CECR2: variants seen among roughly 807,000 people sequenced by gnomAD.
CECR2 encodes the protein chromatin remodeling regulator CECR2.
Under a neutral mutation model 154.5 loss-of-function variants are expected in CECR2, and 30 were observed. The observed-to-expected ratio is 0.19, with a 90% CI of 0.15 to 0.26. CECR2 has a LOEUF of 0.26. Ranked by LOEUF, CECR2 falls within the 10% of genes least tolerant of loss-of-function variation. CECR2 has a pLI of 1.00. For synonymous variants in CECR2, 725 were observed against 683.7 expected, an observed-to-expected ratio of 1.06 and a Z score of -0.94; for missense variants, 1,743 against 1,829.3, an observed-to-expected ratio of 0.95 and a Z score of 0.86.
chr22:17,387,557 C>T (rs1335446532), intron 1 of CECR2, among the ~76,000 whole-genome samples: 1 of 152,222 alleles, frequency 6.6e-6, no homozygotes, highest in Admixed American at 6.5e-5. Flanking sequence ...GGAGCCACCA[C>T]ACCTGAGGGA....
At chr22:17,459,955 T>C (rs1007811361) in intron 1 of CECR2, among the ~76,000 whole-genome samples, 1 of 152,234 alleles carries the variant, frequency 6.6e-6, no homozygotes, top group African/African-American at 2.4e-5. Context: ...CAGCTTAGTA[T>C]GTGCTGTGCG....
intron 1 of CECR2, among the ~76,000 whole-genome samples, chr22:17,396,609 T>C (rs1178462366): frequency 6.6e-6 from 1 of 152,130 alleles, no homozygotes; most frequent in Non-Finnish European, 1.5e-5. Context: ...ACTGAACATA[T>C]AAAATGGGTA....
intron 1 of CECR2, among the ~76,000 whole-genome samples, chr22:17,374,204 G>A (rs1009690366): frequency 6.6e-6 from 1 of 152,146 alleles, no homozygotes; most frequent in Non-Finnish European, 1.5e-5. Context: ...CTGCCTTTGA[G>A]TACTTAATCC....
At chr22:17,551,389 C>A (rs1384113828) in intron 17 of CECR2, among the ~76,000 whole-genome samples, 1 of 151,928 alleles carries the variant, frequency 6.6e-6, no homozygotes, top group Non-Finnish European at 1.5e-5. Context: ...ATTTGGCTGC[C>A]GTGTCTGTTT....
In CECR2 at chr22:17,406,625, T is replaced by C. The variant is rs532495047; in HGVS notation, c.126+36716T>C. On this transcript the variant is annotated intron_variant, in intron 1 of 18. Coordinates refer to ENST00000262608, the MANE Select transcript of CECR2 (RefSeq NM_001290047.2). Reference sequence around the variant, plus strand: ...GTCAATTCAGAGACTTCTTTATCTTTTAATACAATAGGGGTGAAATATGAA... The same window carrying C: ...GTCAATTCAGAGACTTCTTTATCTTCTAATACAATAGGGGTGAAATATGAA... Among the ~76,000 whole-genome samples the C allele has an allele frequency of 8.4e-4, 128 of 152,322 alleles. 1 individual carries two copies. Among genetic ancestry groups the C allele is most frequent in the African/African-American group, 3.1e-3 (127 of 41,566 alleles).
chr22:17,409,124 GTTTT>G (rs201779763), intron 1 of CECR2, among the ~76,000 whole-genome samples: 2 of 150,442 alleles, frequency 1.3e-5, no homozygotes, highest in African/African-American at 4.9e-5. Flanking sequence ...TTGTTTTCTT[GTTTT>G]TTTTTGTTTG....
At chr22:17,535,208 C>T (rs1046319673) in intron 9 of CECR2, among the ~76,000 whole-genome samples, 1 of 151,740 alleles carries the variant, frequency 6.6e-6, no homozygotes. Flanking sequence ...GTCCCAACTA[C>T]TCAGGAGGCT....
At chr22:17,415,391 G>C (rs57312764) in intron 1 of CECR2, among the ~76,000 whole-genome samples, 1 of 152,004 alleles carries the variant, frequency 6.6e-6, no homozygotes, top group Non-Finnish European at 1.5e-5. Context: ...ACAGGGGCGC[G>C]CCACCGTGCC....
chr22:17,369,728 G>A lies in CECR2; in HGVS notation c.-56G>A, dbSNP rs1392278288. 1 of 149,726 alleles carries A rather than the reference G, an allele frequency of 6.7e-6. No individual in the cohort carries two copies. The highest frequency in any genetic ancestry group is 1.5e-5 in the Non-Finnish European group (1 of 67,228). 9.3% of individuals were successfully genotyped at this position (149,726 alleles called of 1,614,324 possible). On this transcript the variant is annotated 5_prime_UTR_variant, in exon 1 of 19. Coordinates refer to ENST00000262608, the MANE Select transcript of CECR2 (RefSeq NM_001290047.2). ...CGGCGCTGCCGCGGCGGGAGTCCCA[G>A]GTCGGCGGGCAGAGCGCGGGCAGCG...
chr22:17,454,986 A>G (rs905812138), intron 1 of CECR2, among the ~76,000 whole-genome samples: 2 of 152,220 alleles, frequency 1.3e-5, no homozygotes, highest in Non-Finnish European at 2.9e-5. Context: ...CGTCCACCCT[A>G]CTGCTGTGTC....
intron 1 of CECR2, among the ~76,000 whole-genome samples, chr22:17,410,285 A>G (rs918423128): frequency 3.3e-5 from 5 of 152,088 alleles, no homozygotes; most frequent in East Asian, 1.9e-4. Context: ...GGCCCTGTCA[A>G]CTATTTTTTT....
chr22:17,393,147 C>G (rs185243033), intron 1 of CECR2, among the ~76,000 whole-genome samples: 1 of 152,164 alleles, frequency 6.6e-6, no homozygotes, highest in African/African-American at 2.4e-5. Flanking sequence ...AAAAGAAACC[C>G]TGTACCCTTG....
At chr22:17,525,146 G>A (rs558582189) in intron 9 of CECR2, among the ~76,000 whole-genome samples, 96 of 150,258 alleles carry the variant, frequency 6.4e-4, no homozygotes, top group African/African-American at 2.3e-3. Flanking sequence ...TTAGCTGGGC[G>A]TGGTGGGGCA....
chr22:17,480,615 T>G (rs146507752), intron 2 of CECR2, among the ~76,000 whole-genome samples: 55 of 152,352 alleles, frequency 3.6e-4, no homozygotes, highest in African/African-American at 1.3e-3. Context: ...CCACATGCGG[T>G]TACTGTGAAT....
intron 9 of CECR2, among the ~76,000 whole-genome samples, chr22:17,536,205 G>A (rs189457378): frequency 1.2e-3 from 189 of 152,180 alleles, no homozygotes; most frequent in Non-Finnish European, 2.0e-3. Flanking sequence ...CCGAGGTGGC[G>A]CCATTACACT....
At chr22:17,476,603 C>G (rs2055212014) in intron 1 of CECR2, among the ~76,000 whole-genome samples, 1 of 152,212 alleles carries the variant, frequency 6.6e-6, no homozygotes, top group African/African-American at 2.4e-5. Context: ...TCACAACTTG[C>G]ATCTTATGCA....
chr22:17,430,974 C>CTGCATGGT (rs1247479167), intron 1 of CECR2, among the ~76,000 whole-genome samples: 2 of 152,008 alleles, frequency 1.3e-5, no homozygotes, highest in African/African-American at 4.8e-5. Context: ...CTGTGAGTGC[C>CTGCATGGT]CTGTCTCTAT....
At chr22:17,536,334 C>T (rs1285646585) in intron 9 of CECR2, among the ~76,000 whole-genome samples, 2 of 152,214 alleles carry the variant, frequency 1.3e-5, no homozygotes, top group Non-Finnish European at 2.9e-5. Context: ...GTCTGGCAGT[C>T]TCATTTTTCT....
Position 17,522,435 on chromosome 22 carries a change from G to A in CECR2, c.955-1683G>A, listed in dbSNP as rs189188239. 1.8e-3 allele frequency among the ~76,000 whole-genome samples: 281 copies of A among 152,274 alleles called. 1 individual carries two copies. The highest frequency in any genetic ancestry group is 6.0e-3 in the African/African-American group (251 of 41,540). On this transcript the variant is annotated intron_variant, in intron 8 of 18. Transcript: ENST00000262608. ...ATTTATTCGGGAAGCAGTGGCCAGA[G>A]TTGCAGTCTTCGGGACAGTCGTCCT...
Sources: allele counts gnomAD v4.1 joint callset (sites outside exome capture counted in the v4.1 genomes callset), GRCh38; gene constraint gnomAD v4.1.1; transcripts MANE v1.5; gene names NCBI Gene and HGNC (gene_info 2026-07-23, HGNC 2026-07-21).